SHANK2: variants seen among roughly 807,000 people sequenced by gnomAD.
SHANK2 encodes SH3 and multiple ankyrin repeat domains 2.
SHANK2 carries 43 observed loss-of-function variants against 133.7 expected under a neutral mutation model. That is an observed-to-expected ratio of 0.32 (90% CI 0.25 to 0.41). The LOEUF (loss-of-function observed/expected upper bound fraction) is 0.41, where lower values mean the gene tolerates loss of function less well. Among genes scored for constraint, SHANK2 ranks in the 10% least tolerant of loss-of-function variants. The pLI, the probability that SHANK2 is intolerant of heterozygous loss-of-function variation, is 1.00. For missense variants in SHANK2, 1,994 were observed against 2,235.8 expected, an observed-to-expected ratio of 0.89 and a Z score of 2.18; for synonymous variants, 1,017 against 952.8, an observed-to-expected ratio of 1.07 and a Z score of -1.24.
At chr11:70,641,837 G>T (rs1229242230) in intron 17 of SHANK2, among the ~76,000 whole-genome samples, 3 of 152,196 alleles carry the variant, frequency 2.0e-5, no homozygotes, top group African/African-American at 7.2e-5. Context: ...GTTCTACAAA[G>T]CACACCCGAG....
intron 14 of SHANK2, among the ~76,000 whole-genome samples, chr11:70,790,565 C>T (rs1231668707): frequency 6.6e-6 from 1 of 152,218 alleles, no homozygotes; most frequent in African/African-American, 2.4e-5. Context: ...GATTCTGCAT[C>T]AAGTTTGCAG....
At chr11:71,181,133 C>T (rs1017196101) in intron 2 of SHANK2, among the ~76,000 whole-genome samples, 1 of 151,944 alleles carries the variant, frequency 6.6e-6, no homozygotes, top group Non-Finnish European at 1.5e-5. Flanking sequence ...CTGGAGAAGC[C>T]GACCAGCTTG....
intron 8 of SHANK2, among the ~76,000 whole-genome samples, chr11:71,089,473 C>T (rs1403346880): frequency 6.6e-6 from 1 of 151,426 alleles, no homozygotes; most frequent in African/African-American, 2.4e-5. Flanking sequence ...AATTTATGTT[C>T]GTCTTTCTAT....
rs1277123294 is a variant in SHANK2, at chr11:71,118,925, C to A, written c.315G>T (p.Gln105His). ...LKDVLNYGLF[Q>H]PASNGRDGKF... ...TGCCGTCACGCCCATTGCTGGCCGG[C>A]TGGAACAGGCCGTAGTTCAGGACAT... Residue 105 changes from glutamine (Q) to histidine (H), a missense_variant, in exon 4 of 26, where the codon CAG becomes CAT. This residue lies in a region of SHANK2 where 653 missense variants were observed against 563.4 expected (regional missense o/e 1.16). Coordinates refer to ENST00000601538, the MANE Select transcript of SHANK2 (RefSeq NM_012309.5). The A allele has an allele frequency of 1.9e-6, 3 of 1,551,760 alleles. No individual in the cohort carries two copies. Among genetic ancestry groups the A allele is most frequent in the Non-Finnish European group, 2.6e-6 (3 of 1,147,008 alleles).
At chr11:71,164,157 T>C (rs1953089601) in intron 2 of SHANK2, among the ~76,000 whole-genome samples, 2 of 152,202 alleles carry the variant, frequency 1.3e-5, no homozygotes, top group Admixed American at 6.5e-5. Context: ...TTCTGGCTCC[T>C]GGGTTGTGAA....
At chr11:71,204,924 G>A (rs1280924664) in intron 2 of SHANK2, among the ~76,000 whole-genome samples, 2 of 152,076 alleles carry the variant, frequency 1.3e-5, no homozygotes, top group East Asian at 3.9e-4. Flanking sequence ...CTCTGCAGAT[G>A]GAGATGAGGG....
At chr11:70,930,456 T>G (rs1950486844) in intron 10 of SHANK2, among the ~76,000 whole-genome samples, 2 of 152,190 alleles carry the variant, frequency 1.3e-5, no homozygotes, top group South Asian at 4.1e-4. Flanking sequence ...AGCTGACTGA[T>G]GCAAATACAA....
intron 17 of SHANK2, among the ~76,000 whole-genome samples, chr11:70,612,350 TG>T (rs1228139838): frequency 2.6e-5 from 4 of 152,178 alleles, no homozygotes; most frequent in African/African-American, 9.7e-5. Context: ...AACAAGCACC[TG>T]CCATTTACCT....
chr11:70,792,447 C>CCAAT (rs782546656), intron 14 of SHANK2, among the ~76,000 whole-genome samples: 2 of 150,108 alleles, frequency 1.3e-5, no homozygotes, highest in East Asian at 1.9e-4. Context: ...AACCAACCAA[C>CCAAT]GAGGACCACC....
At chr11:70,949,028 G>T (rs1392864544) in intron 10 of SHANK2, among the ~76,000 whole-genome samples, 4 of 152,130 alleles carry the variant, frequency 2.6e-5, no homozygotes, top group African/African-American at 9.7e-5. Context: ...CTCACTGCCT[G>T]CCCTGCAGGA....
intron 11 of SHANK2, among the ~76,000 whole-genome samples, chr11:70,892,358 G>GAC (rs1555074873): frequency 2.6e-5 from 4 of 152,142 alleles, no homozygotes; most frequent in African/African-American, 4.8e-5. Flanking sequence ...AACTATGGTG[G>GAC]GGGGGACTGC....
At chr11:71,252,791 C>G (rs1948208917), upstream of SHANK2, among the ~76,000 whole-genome samples, 1 of 151,762 alleles carries the variant, frequency 6.6e-6, no homozygotes, top group Admixed American at 6.6e-5. This position sits in a 1 kb window ranked among gnomAD's most constrained non-coding sequence, Gnocchi z 6.3. Context: ...GTGGCAACCC[C>G]GGGAGACCGC....
intron 1 of SHANK2, among the ~76,000 whole-genome samples, chr11:71,228,399 T>C (rs781807767): frequency 3.3e-5 from 5 of 152,208 alleles, no homozygotes; most frequent in Non-Finnish European, 7.3e-5. Context: ...GGAGAGAACA[T>C]TTCTTAATTT....
chr11:70,604,483 G>A (rs1305744732), intron 17 of SHANK2: 2 of 152,456 alleles, frequency 1.3e-5, no homozygotes, highest in Non-Finnish European at 2.9e-5. Context: ...TGGTGCTCTG[G>A]GCTGCAGTGG....
intron 13 of SHANK2, among the ~76,000 whole-genome samples, chr11:70,799,514 C>A (rs1555050040): frequency 6.6e-6 from 1 of 152,222 alleles, no homozygotes; most frequent in Admixed American, 6.5e-5. Context: ...GAAGAAACTG[C>A]ACTAAAAACC....
At chr11:70,588,504 T>C (rs1263614701) in intron 17 of SHANK2, among the ~76,000 whole-genome samples, 4 of 152,222 alleles carry the variant, frequency 2.6e-5, no homozygotes, top group Admixed American at 6.5e-5. Flanking sequence ...ATCACTGATA[T>C]GGAGAAAGTT....
intron 10 of SHANK2, among the ~76,000 whole-genome samples, chr11:70,934,680 A>C (rs541860036): frequency 6.6e-6 from 1 of 152,352 alleles, no homozygotes; most frequent in South Asian, 2.1e-4. Flanking sequence ...ATAAGAGAAA[A>C]TGCTGCTGCT....
At chr11:70,599,901 G>GAA (rs1565166192) in intron 17 of SHANK2, among the ~76,000 whole-genome samples, 3,457 of 78,340 alleles carry the variant, frequency 0.044, 102 homozygotes, top group Admixed American at 0.083. Context: ...AAGAAAGAAA[G>GAA]AAAGAGAAAG....
At chr11:70,750,473 C>G (rs1415141094) in intron 14 of SHANK2, among the ~76,000 whole-genome samples, 2 of 152,196 alleles carry the variant, frequency 1.3e-5, no homozygotes, top group African/African-American at 4.8e-5. Context: ...GCCTCTCTCT[C>G]TCTTTTTCTG....
Sources: gnomAD v4.1 joint callset for allele counts (sites outside exome capture counted in the v4.1 genomes callset) on GRCh38, gnomAD v4.1.1 for gene constraint, gnomAD v4.1.1 regional missense constraint, Gnocchi (gnomAD v3.1) non-coding constraint, MANE v1.5 for transcripts, NCBI Gene and HGNC (gene_info 2026-07-23, HGNC 2026-07-21) for gene names.